Variants in KDM3A observed in about 807,000 individuals in gnomAD.
KDM3A encodes lysine-specific demethylase 3A.
In KDM3A, 60 loss-of-function variants were observed where a neutral mutation model predicts 158.0. The observed-to-expected ratio is 0.38, with a 90% CI of 0.31 to 0.47. The LOEUF (loss-of-function observed/expected upper bound fraction) is 0.47, where lower values mean the gene tolerates loss of function less well. KDM3A is among the 20% of genes least tolerant of loss of function. The pLI is 0.99. For missense variants in KDM3A, 1,319 were observed against 1,574.3 expected, an observed-to-expected ratio of 0.84 and a Z score of 2.74; for synonymous variants, 608 against 549.3, an observed-to-expected ratio of 1.11 and a Z score of -1.49.
At chr2:86,444,417 T>G (rs1202072133) in intron 2 of KDM3A, among the ~76,000 whole-genome samples, 1 of 152,208 alleles carries the variant, frequency 6.6e-6, no homozygotes, top group Non-Finnish European at 1.5e-5. Flanking sequence ...TCATGATTTA[T>G]CACTGCATTC....
intron 4 of KDM3A, among the ~76,000 whole-genome samples, chr2:86,453,445 A>C (rs1417485041): frequency 1.3e-5 from 2 of 152,146 alleles, no homozygotes; most frequent in Admixed American, 1.3e-4. Context: ...TTGGGATTGA[A>C]AGTTAGGGTC....
chr2:86,481,084 T>A (rs1180088528), intron 16 of KDM3A, among the ~76,000 whole-genome samples: 1 of 152,132 alleles, frequency 6.6e-6, no homozygotes. Flanking sequence ...TTCAAAAATG[T>A]AGAAGAATCA....
intron 3 of KDM3A, among the ~76,000 whole-genome samples, chr2:86,450,344 A>G (rs144746746): frequency 1.3e-3 from 193 of 152,372 alleles, no homozygotes; most frequent in African/African-American, 4.5e-3. Flanking sequence ...AATCTACAAG[A>G]TAATGGCAAC....
intron 3 of KDM3A, among the ~76,000 whole-genome samples, 195 bp from the exon 4 acceptor site, chr2:86,450,908 C>G (rs567922063): frequency 3.3e-5 from 5 of 152,194 alleles, no homozygotes; most frequent in African/African-American, 7.2e-5. Flanking sequence ...AAATGTCTAT[C>G]TGGTTTAAAT....
At chr2:86,482,229 C>A in intron 17 of KDM3A, 127 bp downstream of exon 17, 2 of 1,215,348 alleles carry the variant, frequency 1.6e-6, no homozygotes, top group East Asian at 2.4e-5. Context: ...GTTCAGAAGG[C>A]TGAGTCACTG....
At chr2:86,473,794 A>G (rs1673524549) in intron 11 of KDM3A, among the ~76,000 whole-genome samples, 1 of 152,164 alleles carries the variant, frequency 6.6e-6, no homozygotes, top group South Asian at 2.1e-4. Flanking sequence ...TAAAACTAAT[A>G]CATAGCTTAT....
chr2:86,482,567 T>C lies in KDM3A; in HGVS notation c.2795T>C (p.Ile932Thr), dbSNP rs1483575295. Residue 932 changes from isoleucine (I) to threonine (T), a missense_variant, in exon 18 of 26, where the codon ATC (isoleucine) becomes ACC (threonine). This residue lies in a region of KDM3A where 368 missense variants were observed against 415.8 expected (regional missense o/e 0.89). Coordinates refer to ENST00000312912, the MANE Select transcript of KDM3A (RefSeq NM_018433.6). ...TCTAAGAGGCCTCAAGGACTAACCA[T>C]CAAGCCCAGCATTCTGGGCTTTGAC... The part of the protein sequence containing the change: ...DLSKRPQGLT[I>T]KPSILGFDTP... 6.2e-7 allele frequency: 1 copy of C among 1,614,122 alleles called. No individual in the cohort carries two copies. Among genetic ancestry groups the C allele is most frequent in the Non-Finnish European group, 8.5e-7 (1 of 1,179,980 alleles).
In KDM3A at chr2:86,464,216, G is replaced by A; in HGVS notation, c.1007G>A (p.Gly336Glu). Residue 336 changes from glycine to glutamate, a missense_variant and splice_region_variant, in exon 9 of 26, where the codon GGA becomes GAA. Coordinates refer to ENST00000312912, the MANE Select transcript of KDM3A (RefSeq NM_018433.6). ...AACCTTGGAGCAAAAATTCCTCAAG[G>A]GTGAGTAGTGATTTGTTAAAGATGT... ...PPNLGAKIPQ[G>E]CHKQSLPEEI... 2 of 1,575,124 alleles carry A rather than the reference G, an allele frequency of 1.3e-6. No homozygotes were observed. The highest frequency in any genetic ancestry group is 2.3e-5 in the South Asian group (2 of 85,190).
At chr2:86,441,671 G>C (rs943151225) in intron 1 of KDM3A, among the ~76,000 whole-genome samples, 2 of 150,880 alleles carry the variant, frequency 1.3e-5, no homozygotes, top group Non-Finnish European at 3.0e-5. Flanking sequence ...AGCCGCCCGG[G>C]ACCGGCTCTC....
chr2:86,440,651 T>C (rs1682649316), upstream of KDM3A: 1 of 152,256 alleles, frequency 6.6e-6, no homozygotes, highest in South Asian at 2.1e-4. Context: ...AACGTCATTA[T>C]CCAGTAACTC....
chr2:86,477,566 TTG>T (rs1211147849), intron 12 of KDM3A, among the ~76,000 whole-genome samples: 1 of 152,162 alleles, frequency 6.6e-6, no homozygotes, highest in Non-Finnish European at 1.5e-5. Context: ...GAGCTCCAAC[TTG>T]TGTAACTACT....
At chr2:86,489,954 C>G (rs1438209612) in intron 23 of KDM3A, 1 of 268,944 alleles carries the variant, frequency 3.7e-6, no homozygotes, top group Non-Finnish European at 7.0e-6. Context: ...ATCTGATCAT[C>G]TCCCAGCATA....
chr2:86,459,216 A>G (rs1362396759), intron 8 of KDM3A, among the ~76,000 whole-genome samples: 1 of 152,166 alleles, frequency 6.6e-6, no homozygotes, highest in Non-Finnish European at 1.5e-5. Context: ...TCTAGAAGGG[A>G]ACAGATAGTA....
At chr2:86,466,343 A>T (rs1190579546) in intron 9 of KDM3A, 29 bp from the exon 10 acceptor site, 1 of 1,573,578 alleles carries the variant, frequency 6.4e-7, no homozygotes, top group East Asian at 2.2e-5. Context: ...AGAGGCCTGG[A>T]TGCTAGCTTT....
In KDM3A at chr2:86,482,554, C is replaced by G. The variant is rs1673986064; in HGVS notation, c.2782C>G (p.Gln928Glu). The G allele has an allele frequency of 6.2e-7, 1 of 1,614,024 alleles. No individual in the cohort carries two copies. Among genetic ancestry groups the G allele is most frequent in the African/African-American group, 1.3e-5 (1 of 74,916 alleles). Residue 928 changes from glutamine to glutamate, a missense_variant, in exon 18 of 26, where the codon CAA becomes GAA. Around this residue, in one of 4 missense-constraint regions of KDM3A, gnomAD observed 368 missense variants for 415.8 expected, o/e 0.89. Transcript: ENST00000312912. The part of the protein sequence containing the change: ...KTTSDLSKRP[Q>E]GLTIKPSILG... The stretch of plus-strand genomic sequence containing the variant: ...GACTTCTGATTTATCTAAGAGGCCT[C>G]AAGGACTAACCATCAAGCCCAGCAT...
chr2:86,475,874 A>C (rs1222433089), intron 12 of KDM3A, among the ~76,000 whole-genome samples: 1 of 152,190 alleles, frequency 6.6e-6, no homozygotes, highest in Non-Finnish European at 1.5e-5. Context: ...AGCAACTAAC[A>C]ACCTAGCTTA....
chr2:86,455,637 A>G (rs1345182771), intron 5 of KDM3A, among the ~76,000 whole-genome samples: 1 of 152,122 alleles, frequency 6.6e-6, no homozygotes, highest in Non-Finnish European at 1.5e-5. Flanking sequence ...AAGTTCAGGG[A>G]TTATATGAAA....
intron 10 of KDM3A, among the ~76,000 whole-genome samples, 195 bp from the exon 11 acceptor site, chr2:86,470,008 TA>T (rs1673327747): frequency 6.6e-6 from 1 of 152,206 alleles, no homozygotes; most frequent in Non-Finnish European, 1.5e-5. Flanking sequence ...AATTGTTTTA[TA>T]AAGAGAGTAA....
intron 12 of KDM3A, among the ~76,000 whole-genome samples, chr2:86,475,924 T>C (rs1214302339): frequency 3.3e-5 from 5 of 152,188 alleles, no homozygotes; most frequent in African/African-American, 1.2e-4. Context: ...GGATACTGTC[T>C]CAGAGTCCAA....
Sources: gnomAD v4.1 joint callset for allele counts (sites outside exome capture counted in the v4.1 genomes callset) on GRCh38, gnomAD v4.1.1 for gene constraint, gnomAD v4.1.1 regional missense constraint, MANE v1.5 for transcripts, NCBI Gene and HGNC (gene_info 2026-07-23, HGNC 2026-07-21) for gene names.